Variants in TCEANC2 observed in about 807,000 individuals in gnomAD.
TCEANC2 encodes transcription elongation factor A N-terminal and central domain containing 2.
Under a neutral mutation model 22.8 loss-of-function variants are expected in TCEANC2, and 20 were observed. That is an observed-to-expected ratio of 0.88 (90% confidence interval 0.62 to 1.28). The LOEUF (loss-of-function observed/expected upper bound fraction) is 1.28. TCEANC2 is among the 50% of genes most tolerant of loss of function. TCEANC2 has a pLI of 0.00. For missense variants in TCEANC2, 251 were observed against 249.7 expected (o/e 1.01, Z -0.03); for synonymous variants, 84 against 95.5 (o/e 0.88, Z 0.70).
At chr1:54,084,524 T>C (rs1367608369) in intron 3 of TCEANC2, among the ~76,000 whole-genome samples, 2 of 152,160 alleles carry the variant, frequency 1.3e-5, no homozygotes, top group East Asian at 1.9e-4. Context: ...GTTCTCCTCA[T>C]CTCTGTATCC....
chr1:54,093,908 G>A (rs1557694540), intron 4 of TCEANC2, among the ~76,000 whole-genome samples: 2 of 152,194 alleles, frequency 1.3e-5, no homozygotes, highest in East Asian at 3.9e-4. Flanking sequence ...ACCGGGATAA[G>A]GAACTTTCTT....
chr1:54,086,135 G>A (rs114715305), intron 3 of TCEANC2, among the ~76,000 whole-genome samples: 61 of 152,196 alleles, frequency 4.0e-4, no homozygotes, highest in African/African-American at 1.4e-3. Context: ...TAGTAGGAAT[G>A]TATGTTATTC....
intron 3 of TCEANC2, among the ~76,000 whole-genome samples, chr1:54,082,200 T>A (rs1658257238): frequency 6.6e-6 from 1 of 152,206 alleles, no homozygotes; most frequent in Non-Finnish European, 1.5e-5. Context: ...GTTATAAAAA[T>A]TAAATGAGAT....
At chr1:54,091,675 T>C (rs1167707100) in intron 4 of TCEANC2, among the ~76,000 whole-genome samples, 5 of 152,228 alleles carry the variant, frequency 3.3e-5, no homozygotes, top group Admixed American at 2.6e-4. Context: ...AATAGTGAAA[T>C]AGATGAATAA....
chr1:54,089,972 T>C, intron 4 of TCEANC2: 1 of 714,148 alleles, frequency 1.4e-6, no homozygotes, highest in Non-Finnish European at 2.6e-6. Context: ...AATATGGTAG[T>C]GCTGTATTAG....
chr1:54,054,102 C>T (rs1657687327), intron 1 of TCEANC2: 2 of 484,856 alleles, frequency 4.1e-6, no homozygotes, highest in Non-Finnish European at 6.7e-6. Flanking sequence ...AGCGGGGATT[C>T]CAATATTGGG....
At chr1:54,092,950 G>A (rs948162324) in intron 4 of TCEANC2, among the ~76,000 whole-genome samples, 39 of 152,184 alleles carry the variant, frequency 2.6e-4, no homozygotes, top group Non-Finnish European at 1.2e-4. Flanking sequence ...ATGTGAACTA[G>A]GAGATACCAA....
In TCEANC2 at chr1:54,096,632, G is replaced by A; in HGVS notation, c.*159G>A. The A allele has an allele frequency of 5.9e-6, 8 of 1,366,792 alleles. No homozygotes were observed. The highest frequency in any genetic ancestry group is 6.7e-6 in the Non-Finnish European group (7 of 1,049,472). 84.7% of individuals were successfully genotyped at this position (1,366,792 alleles called of 1,614,324 possible). A position where few individuals can be genotyped will look rare whatever the true frequency, so the allele number is the denominator to read the frequency against. On this transcript the variant is annotated 3_prime_UTR_variant, in exon 5 of 5. Coordinates refer to ENST00000234827, the MANE Select transcript of TCEANC2 (RefSeq NM_153035.3). The surrounding 1 kb of genome is among the most constrained non-coding windows in gnomAD (Gnocchi z 4.9). ...AGACAGAGGATTCGGAGAGCCCTAG[G>A]AGACAGGCCTGCAGGAATGTGCTTC...
At chr1:54,063,286 A>G (rs916765819) in intron 2 of TCEANC2, among the ~76,000 whole-genome samples, 4 of 152,210 alleles carry the variant, frequency 2.6e-5, no homozygotes, top group South Asian at 4.1e-4. Context: ...CCAGGGAAGC[A>G]GATTGTTACC....
chr1:54,084,297 G>A (rs1438209509), intron 3 of TCEANC2, among the ~76,000 whole-genome samples: 1 of 152,130 alleles, frequency 6.6e-6, no homozygotes, highest in Non-Finnish European at 1.5e-5. Flanking sequence ...ACAGACGCTA[G>A]CTGCTGCACC....
Position 54,088,663 on chromosome 1 carries a change from A to G in TCEANC2, c.311A>G (p.Tyr104Cys). 6.2e-7 allele frequency: 1 copy of G among 1,610,944 alleles called. No homozygotes were observed. Among genetic ancestry groups the G allele is most frequent in the South Asian group, 1.1e-5 (1 of 90,570 alleles). The stretch of plus-strand genomic sequence containing the variant: ...GTGGCTTCTCTTGCCAGAGAAGTTT[A>G]CACTGAGTGGAAAACTTTCACTGAA... ...SEVASLAREV[Y>C]TEWKTFTEKH... Residue 104 changes from tyrosine to cysteine, a missense_variant, in exon 4 of 5, where the codon TAC becomes TGC. Physicochemically the swap from Tyr to Cys is radical, Grantham distance 194. Transcript: ENST00000234827.
In TCEANC2 at chr1:54,088,490, G is replaced by T. The variant is rs113869385; in HGVS notation, c.245-107G>T. ...TTTGCACAAGAGTCTTTACATCCTT[G>T]GGTGTGTGAATGACTTTCTCAGTGC... On this transcript the variant is annotated intron_variant, in intron 3 of 4. Coordinates refer to ENST00000234827, the MANE Select transcript of TCEANC2 (RefSeq NM_153035.3). 1.7e-3 allele frequency: 1,384 copies of T among 805,944 alleles called. 15 individuals are homozygous for T. In the African/African-American group the frequency reaches 0.021, roughly 12 times the overall value. 49.9% of individuals were successfully genotyped at this position (805,944 alleles called of 1,614,324 possible). A position where few individuals can be genotyped will look rare whatever the true frequency, so the allele number is the denominator to read the frequency against.
chr1:54,085,722 A>G (rs1324105178), intron 3 of TCEANC2, among the ~76,000 whole-genome samples: 1 of 152,160 alleles, frequency 6.6e-6, no homozygotes, highest in African/African-American at 2.4e-5. Flanking sequence ...CATAAAATCT[A>G]TAAACTAATT....
chr1:54,068,921 T>G (rs1658007517), intron 3 of TCEANC2, 24 bp downstream of exon 3: 1 of 1,519,308 alleles, frequency 6.6e-7, no homozygotes, highest in African/African-American at 1.4e-5. Flanking sequence ...TAATTTTATT[T>G]TTTAAGAAAG....
intron 4 of TCEANC2, among the ~76,000 whole-genome samples, chr1:54,091,813 C>T (rs1031919523): frequency 6.6e-6 from 1 of 152,146 alleles, no homozygotes; most frequent in African/African-American, 2.4e-5. Context: ...CTCTTACTTC[C>T]CCTTCCTCAT....
At chr1:54,065,769 C>T (rs1434437462) in intron 2 of TCEANC2, among the ~76,000 whole-genome samples, 1 of 151,318 alleles carries the variant, frequency 6.6e-6, no homozygotes, top group African/African-American at 2.4e-5. Context: ...TAATAAGTAA[C>T]TTCCAAACCA....
intron 2 of TCEANC2, among the ~76,000 whole-genome samples, chr1:54,064,046 T>C (rs1283118598): frequency 6.6e-6 from 1 of 152,202 alleles, no homozygotes; most frequent in African/African-American, 2.4e-5. Context: ...AATGTGAGAT[T>C]TCTCTATTAA....
Position 54,104,374 on chromosome 1 carries a change from C to T in TCEANC2, c.*7901C>T, listed in dbSNP as rs1376901331. 1.2e-5 allele frequency: 3 copies of T among 256,460 alleles called. No homozygotes were observed. The highest frequency in any genetic ancestry group is 6.7e-5 in the African/African-American group (3 of 44,846). The allele number at this position is 256,460 out of a possible 1,614,324, so 15.9% of individuals were successfully genotyped here. ...TGACTGCACCCGGGCACTTGAGCTC[C>T]TCATATCAGGAGACTACTAGGCAAG... On this transcript the variant is annotated 3_prime_UTR_variant, in exon 5 of 5. Transcript: ENST00000234827.
chr1:54,056,933 T>C (rs576912275), intron 2 of TCEANC2, among the ~76,000 whole-genome samples: 78 of 151,790 alleles, frequency 5.1e-4, no homozygotes, highest in Non-Finnish European at 8.4e-4. Flanking sequence ...TCACAGCTAC[T>C]TGGGAGGCTG....
Sources: allele counts gnomAD v4.1 joint callset (sites outside exome capture counted in the v4.1 genomes callset), GRCh38; gene constraint gnomAD v4.1.1; non-coding constraint Gnocchi (gnomAD v3.1); transcripts MANE v1.5; gene names NCBI Gene and HGNC (gene_info 2026-07-23, HGNC 2026-07-21).